Variants in ERVW-1 observed in about 807,000 individuals in gnomAD.
ERVW-1 encodes the protein endogenous retrovirus group W member 1, envelope, also known as syncytin-1.
ERVW-1 carries 21 observed loss-of-function variants against 16.6 expected under a neutral mutation model. The ratio of observed to expected loss-of-function variants is 1.26; its 90% CI spans 0.90 to 1.82. The LOEUF (loss-of-function observed/expected upper bound fraction) is 1.82. Ranked by LOEUF, ERVW-1 falls within the 40% of genes most tolerant of loss-of-function variation. ERVW-1 has a pLI of 0.00. For missense variants in ERVW-1, 412 were observed against 300.2 expected, an observed-to-expected ratio of 1.37 and a Z score of -2.75; for synonymous variants, 161 against 109.8, an observed-to-expected ratio of 1.47 and a Z score of -2.92.
chr7:92,472,994 GGCTAAT>G (rs1282565910), intron 1 of ERVW-1: 1 of 152,172 alleles, frequency 6.6e-6, no homozygotes, highest in Non-Finnish European at 1.5e-5. Context: ...TCAAGTCTTG[GGCTAAT>G]GCCTGGCCAA....
rs1790232100 is a variant in ERVW-1, at chr7:92,469,479, A to G, written c.903T>C (p.Thr301=). The G allele has an allele frequency of 5.2e-6, 4 of 767,354 alleles. No individual in the cohort carries two copies. In the African/African-American group the frequency reaches 6.8e-5, roughly 13 times the overall value. The allele number at this position is 767,354 out of a possible 1,614,324, so 47.5% of individuals were successfully genotyped here. ...SFLVPPMTIY[T]EQDLYSYVIS... ...TGACATAACTGTATAAATCTTGTTCAGTGTAGATGGTCATAGGGGGCACTA... is the reference window on the plus strand; with the variant it reads ...TGACATAACTGTATAAATCTTGTTCGGTGTAGATGGTCATAGGGGGCACTA... Residue 301 remains threonine, a synonymous_variant, in exon 2 of 2, where the codon ACT becomes ACC. Transcript: ENST00000603053.
At chr7:92,471,711 C>T (rs555551304) in intron 1 of ERVW-1, 5 of 152,226 alleles carry the variant, frequency 3.3e-5, no homozygotes, top group Admixed American at 2.0e-4. Flanking sequence ...CTGATGACCC[C>T]GGCAGTGTAA....
rs573293272 is a variant in ERVW-1, at chr7:92,473,540, G to C, written c.-227-2932C>G. Among the ~76,000 whole-genome samples the C allele has an allele frequency of 3.9e-5, 6 of 152,158 alleles. No individual in the cohort carries two copies. The South Asian group carries it at 1.2e-3, about 32-fold the overall frequency. The stretch of plus-strand genomic sequence containing the variant: ...CTTCCTCAAGCAGGGGACAACAAAC[G>C]GGTGTTCCTTCTCCTATGTTCAGGT... On this transcript the variant is annotated intron_variant, in intron 1 of 1. Coordinates refer to ENST00000603053, the MANE Select transcript of ERVW-1 (RefSeq NM_001130925.2).
At chr7:92,475,283 T>C (rs1790491571) in intron 1 of ERVW-1, 1 of 152,136 alleles carries the variant, frequency 6.6e-6, no homozygotes, top group South Asian at 2.1e-4. Context: ...GGGGCGTTTT[T>C]GTCTTGCGGG....
At chr7:92,476,345 C>T (rs541694767) in intron 1 of ERVW-1, among the ~76,000 whole-genome samples, 182 of 152,194 alleles carry the variant, frequency 1.2e-3, no homozygotes, top group Admixed American at 2.4e-3. Context: ...GTTGCGCTAC[C>T]GACTGAATGC....
Position 92,470,298 on chromosome 7 carries a change from C to G in ERVW-1, c.84G>C (p.Met28Ile), listed in dbSNP as rs774972188. The part of the protein sequence containing the change: ...TLTAPPPCRC[M>I]TSSSPYQEFL... ...ACTCTTGGTAAGGGGAGCTACTGGT[C>G]ATACAGCGGCATGGAGGGGGTGCAG... is the stretch of plus-strand genomic sequence containing the variant. The change falls in exon 2 of 2, where the codon ATG becomes ATC. Residue 28 changes from methionine to isoleucine, a missense_variant. Met to Ile is a conservative substitution (Grantham distance 10, BLOSUM62 1). Coordinates refer to ENST00000603053, the MANE Select transcript of ERVW-1 (RefSeq NM_001130925.2). 1 of 777,678 alleles carries G rather than the reference C, an allele frequency of 1.3e-6. No individual in the cohort carries two copies. Among genetic ancestry groups the G allele is most frequent in the East Asian group, 2.4e-5 (1 of 41,232 alleles). The allele number at this position is 777,678 out of a possible 1,614,324, so 48.2% of individuals were successfully genotyped here. A position where few individuals can be genotyped will look rare whatever the true frequency, so the allele number is the denominator to read the frequency against.
chr7:92,475,655 C>T (rs1790508664), intron 1 of ERVW-1, among the ~76,000 whole-genome samples: 1 of 151,724 alleles, frequency 6.6e-6, no homozygotes, highest in African/African-American at 2.4e-5. Context: ...CAGTCCTGCA[C>T]CCCTTTTCCC....
intron 1 of ERVW-1, 58 bp downstream of exon 1, chr7:92,477,324 C>T (rs948843045): frequency 6.6e-6 from 1 of 152,302 alleles, no homozygotes; most frequent in African/African-American, 2.4e-5. Context: ...GTATTTTCCT[C>T]CAATTCTAAG....
intron 1 of ERVW-1, chr7:92,475,011 A>G (rs1790483154): frequency 6.6e-6 from 1 of 152,148 alleles, no homozygotes; most frequent in Non-Finnish European, 1.5e-5. Context: ...ATGCTGGGAT[A>G]GGGAGGTAGA....
At chr7:92,474,748 C>T (rs986944823) in intron 1 of ERVW-1, 4 of 152,150 alleles carry the variant, frequency 2.6e-5, no homozygotes, top group Non-Finnish European at 5.9e-5. Context: ...TTGTCCTAAC[C>T]CTTGTAAAAC....
At chr7:92,471,414 C>G (rs1164885092) in intron 1 of ERVW-1, 1 of 152,392 alleles carries the variant, frequency 6.6e-6, no homozygotes, top group Non-Finnish European at 1.5e-5. Flanking sequence ...CTATCGATGC[C>G]TAAGTGAAAG....
Position 92,477,716 on chromosome 7 carries a change from A to G in ERVW-1, c.-562T>C, listed in dbSNP as rs576278667. ...GCCTTTAGCCCAATTGGGAGCGGCA[A>G]TGGGCGCCTCGCTGGATCAGGAGCA... On this transcript the variant is annotated 5_prime_UTR_variant, in exon 1 of 2. Coordinates refer to ENST00000603053, the MANE Select transcript of ERVW-1 (RefSeq NM_001130925.2). 222 of 172,482 alleles carry G rather than the reference A, an allele frequency of 1.3e-3. 2 individuals carry two copies. The highest frequency in any genetic ancestry group is 4.8e-3 in the African/African-American group (201 of 41,846). The allele number at this position is 172,482 out of a possible 1,614,324, so 10.7% of individuals were successfully genotyped here.
intron 1 of ERVW-1, chr7:92,472,344 T>C (rs1357650868): frequency 1.3e-5 from 2 of 152,320 alleles, no homozygotes; most frequent in East Asian, 3.9e-4. Context: ...CTGTATTATT[T>C]TAACTGCTTC....
intron 1 of ERVW-1, among the ~76,000 whole-genome samples, chr7:92,474,359 G>A (rs192007488): frequency 7.9e-5 from 12 of 152,306 alleles, no homozygotes; most frequent in Non-Finnish European, 1.5e-4. Context: ...AGAGAGGCAC[G>A]CTTCCTCAAT....
chr7:92,475,755 G>T (rs1305213392), intron 1 of ERVW-1, among the ~76,000 whole-genome samples: 2 of 152,234 alleles, frequency 1.3e-5, no homozygotes, highest in Admixed American at 1.3e-4. Context: ...GCGCTCAGGG[G>T]TGAGTCCTAG....
chr7:92,469,496 G>C lies in ERVW-1; in HGVS notation c.886C>G (p.Pro296Ala). The change falls in exon 2 of 2, where the codon CCT (proline) becomes GCT (alanine). Residue 296 changes from proline to alanine, a missense_variant. Physicochemically the swap from Pro to Ala is conservative, Grantham distance 27. Transcript: ENST00000603053. Reference sequence around the variant, plus strand: ...TCTTGTTCAGTGTAGATGGTCATAGGGGGCACTAAGAATGAGAGGAAGCAC... The same window carrying C: ...TCTTGTTCAGTGTAGATGGTCATAGCGGGCACTAAGAATGAGAGGAAGCAC... ...SMCFLSFLVP[P>A]MTIYTEQDLY... 2 of 768,846 alleles carry C rather than the reference G, an allele frequency of 2.6e-6. No individual in the cohort carries two copies. Among genetic ancestry groups the C allele is most frequent in the South Asian group, 1.4e-5 (1 of 73,476 alleles). The allele number at this position is 768,846 out of a possible 1,614,324, so 47.6% of individuals were successfully genotyped here.
chr7:92,471,796 T>C (rs997411104), intron 1 of ERVW-1: 3 of 152,250 alleles, frequency 2.0e-5, no homozygotes, highest in Non-Finnish European at 4.4e-5. Flanking sequence ...ATAGGTGTTC[T>C]CTCAGAAGTT....
chr7:92,471,313 T>C (rs975930745), intron 1 of ERVW-1: 3 of 160,276 alleles, frequency 1.9e-5, no homozygotes, highest in African/African-American at 7.2e-5. Flanking sequence ...GGGGATTATT[T>C]CTCTGGCACA....
chr7:92,471,354 T>A (rs541376267), intron 1 of ERVW-1: 1 of 154,118 alleles, frequency 6.5e-6, no homozygotes, highest in African/African-American at 2.4e-5. Context: ...TGCTTGATAG[T>A]TTTGAAAAGG....
Sources: allele counts gnomAD v4.1 joint callset (sites outside exome capture counted in the v4.1 genomes callset), GRCh38; gene constraint gnomAD v4.1.1; transcripts MANE v1.5; gene names NCBI Gene and HGNC (gene_info 2026-07-23, HGNC 2026-07-21).